ANK2: variants seen among roughly 807,000 people sequenced by gnomAD.
ANK2 encodes ankyrin-2.
Under a neutral mutation model 360.5 loss-of-function variants are expected in ANK2, and 83 were observed. The ratio of observed to expected loss-of-function variants is 0.23; its 90% confidence interval spans 0.19 to 0.28. The LOEUF is 0.28. ANK2 is among the 10% of genes least tolerant of loss of function. ANK2 has a pLI of 1.00. For synonymous variants in ANK2, 1,740 were observed against 1,759.5 expected, an observed-to-expected ratio of 0.99 and a Z score of 0.28; for missense variants, 4,201 against 4,795.7, an observed-to-expected ratio of 0.88 and a Z score of 3.66.
intron 7 of ANK2, among the ~76,000 whole-genome samples, chr4:113,238,783 A>G (rs928189416): frequency 1.5e-4 from 23 of 152,172 alleles, no homozygotes. Flanking sequence ...TCTGCCTCCT[A>G]CTTCCATGTT....
At chr4:113,257,974 C>G (rs2050430158) in intron 11 of ANK2, 76 bp from the exon 12 acceptor site, 1 of 1,295,106 alleles carries the variant, frequency 7.7e-7, no homozygotes, top group South Asian at 1.2e-5. Flanking sequence ...ACATTATTGC[C>G]TGCAATGTGC....
At chr4:113,163,607 A>G (rs966847171) in intron 1 of ANK2, among the ~76,000 whole-genome samples, 13 of 151,662 alleles carry the variant, frequency 8.6e-5, no homozygotes, top group Non-Finnish European at 1.5e-5. Context: ...TCTACTAAAA[A>G]TACAAAATTA....
intron 1 of ANK2, among the ~76,000 whole-genome samples, chr4:113,133,475 G>A (rs1443182727): frequency 6.6e-6 from 1 of 152,000 alleles, no homozygotes; most frequent in African/African-American, 2.4e-5. Context: ...CAAATTTCAT[G>A]GCAAATAAAT....
At chr4:112,722,997 A>T in the ANK2 span, among the ~76,000 whole-genome samples, 1 of 152,122 alleles carries the variant, frequency 6.6e-6, no homozygotes, top group Non-Finnish European at 1.5e-5. Flanking sequence ...AAGAGAAAAA[A>T]GTTCTCTAGA....
At chr4:113,068,903 A>C (rs1230561030) in intron 1 of ANK2, among the ~76,000 whole-genome samples, 1 of 152,094 alleles carries the variant, frequency 6.6e-6, no homozygotes, top group Admixed American at 6.6e-5. Context: ...CTGTACAAAA[A>C]GTTTTCAAAA....
chr4:112,930,271 C>G (rs1176221541), intron 2 of ANK2, among the ~76,000 whole-genome samples: 1 of 151,442 alleles, frequency 6.6e-6, no homozygotes, highest in Non-Finnish European at 1.5e-5. Flanking sequence ...ATGGTGAGAC[C>G]CAGTCTCTAA....
chr4:113,257,568 T>C (rs2050197070), intron 11 of ANK2, among the ~76,000 whole-genome samples: 1 of 152,200 alleles, frequency 6.6e-6, no homozygotes, highest in Admixed American at 6.5e-5. Flanking sequence ...ATAAAGAAAG[T>C]CGTAGCAAAG....
At chr4:113,086,336 A>T (rs1392330484) in intron 1 of ANK2, among the ~76,000 whole-genome samples, 1 of 152,198 alleles carries the variant, frequency 6.6e-6, no homozygotes, top group Non-Finnish European at 1.5e-5. Context: ...ATTCGAAAAG[A>T]GGTTTGACTC....
At chr4:112,946,279 G>T (rs2094538689) in intron 2 of ANK2, among the ~76,000 whole-genome samples, 1 of 152,184 alleles carries the variant, frequency 6.6e-6, no homozygotes, top group Admixed American at 6.5e-5. Context: ...CCTGCCTGTG[G>T]TGGGGTGGAG....
Position 113,367,614 on chromosome 4 carries a change from A to C in ANK2, c.11081A>C (p.Lys3694Thr). The change falls in exon 42 of 46, where the codon AAA becomes ACA. Residue 3694 changes from lysine (K) to threonine (T), a missense_variant. Around this residue, in one of 4 missense-constraint regions of ANK2, gnomAD observed 2,642 missense variants for 2,714.5 expected, o/e 0.97. Transcript: ENST00000357077. ...TTATGCACTGCACAGCACAAGCAGA[A>C]AGAGGAGCAAGCTGTTTCTAAAGAA... ...EELCTAQHKQ[K>T]EEQAVSKESE... 6.2e-7 allele frequency: 1 copy of C among 1,613,912 alleles called. No homozygotes were observed. The highest frequency in any genetic ancestry group is 8.5e-7 in the Non-Finnish European group (1 of 1,179,980).
intron 45 of ANK2, among the ~76,000 whole-genome samples, chr4:113,376,512 T>G (rs146852471): frequency 6.6e-6 from 1 of 152,342 alleles, no homozygotes; most frequent in Non-Finnish European, 1.5e-5. Flanking sequence ...TACACTACAG[T>G]AGACTTTATA....
chr4:112,863,776 C>A (rs929616476), intron 1 of ANK2, among the ~76,000 whole-genome samples: 7 of 152,094 alleles, frequency 4.6e-5, no homozygotes, highest in Non-Finnish European at 1.0e-4. Flanking sequence ...CCCGCCTCGG[C>A]CTCCCAAAGT....
At chr4:113,369,934 C>A in intron 43 of ANK2, 129 bp downstream of exon 43, 1 of 1,092,196 alleles carries the variant, frequency 9.2e-7, no homozygotes, top group Non-Finnish European at 1.3e-6. Context: ...TAACCTGGCA[C>A]ATGGAAACCC....
At chr4:113,300,147 C>T (rs191333022) in intron 22 of ANK2, among the ~76,000 whole-genome samples, 15 of 152,134 alleles carry the variant, frequency 9.9e-5, no homozygotes, top group African/African-American at 3.4e-4. Context: ...TACTATTCTC[C>T]AGATTTTTGG....
intron 28 of ANK2, among the ~76,000 whole-genome samples, chr4:113,332,568 A>G (rs1025309999): frequency 1.3e-5 from 2 of 152,260 alleles, no homozygotes; most frequent in Non-Finnish European, 2.9e-5. Context: ...TGAAGAAAAT[A>G]TAAGCAAAAA....
intron 2 of ANK2, among the ~76,000 whole-genome samples, chr4:112,934,728 A>G (rs1295863915): frequency 6.6e-6 from 1 of 152,226 alleles, no homozygotes; most frequent in Non-Finnish European, 1.5e-5. Flanking sequence ...AAAATAAAAT[A>G]TCCTTGCTTT....
intron 2 of ANK2, among the ~76,000 whole-genome samples, chr4:112,957,471 C>A (rs968791248): frequency 6.6e-6 from 1 of 152,260 alleles, no homozygotes; most frequent in Admixed American, 6.5e-5. Context: ...GCCTTTCCCC[C>A]CTTTCTATTC....
intron 4 of ANK2, among the ~76,000 whole-genome samples, chr4:113,215,385 A>G (rs1475757892): frequency 6.6e-6 from 1 of 152,216 alleles, no homozygotes; most frequent in Non-Finnish European, 1.5e-5. Flanking sequence ...AATAAGTGCA[A>G]TATAAATGTT....
chr4:113,331,657 G>T (rs1224174679), intron 27 of ANK2, among the ~76,000 whole-genome samples: 1 of 152,192 alleles, frequency 6.6e-6, no homozygotes, highest in East Asian at 1.9e-4. Context: ...GTACAGGGCA[G>T]AGTTTTCATT....
Sources: gnomAD v4.1 joint callset for allele counts (sites outside exome capture counted in the v4.1 genomes callset) on GRCh38, gnomAD v4.1.1 for gene constraint, gnomAD v4.1.1 regional missense constraint, MANE v1.5 for transcripts, NCBI Gene and HGNC (gene_info 2026-07-23, HGNC 2026-07-21) for gene names.